TSPEAR: variants seen among roughly 807,000 people sequenced by gnomAD.
TSPEAR encodes thrombospondin-type laminin G domain and EAR repeat-containing protein.
In TSPEAR, 69 loss-of-function variants were observed where a neutral mutation model predicts 71.6. The observed-to-expected ratio is 0.96, with a 90% confidence interval of 0.79 to 1.18. The LOEUF is 1.18. Among genes scored for constraint, TSPEAR ranks in the 50% most tolerant of loss-of-function variants. The pLI, the probability that TSPEAR is intolerant of heterozygous loss-of-function variation, is 0.00. For synonymous variants in TSPEAR, 402 were observed against 387.2 expected, an observed-to-expected ratio of 1.04 and a Z score of -0.45; for missense variants, 971 against 894.9, an observed-to-expected ratio of 1.09 and a Z score of -1.09.
At position 44,506,043 on chromosome 21, in the gene TSPEAR, TGTGAGGTCAGCGGCC is replaced by T. The variant is rs1226136965; in HGVS notation, c.1755-1177_1755-1163del. Among the ~76,000 whole-genome samples, 3 of 152,224 alleles carry T rather than the reference TGTGAGGTCAGCGGCC, an allele frequency of 2.0e-5. No individual in the cohort carries two copies. The highest frequency in any genetic ancestry group is 4.4e-5 in the Non-Finnish European group (3 of 68,040). On this transcript the variant is annotated intron_variant, in intron 10 of 11. Coordinates refer to ENST00000323084, the MANE Select transcript of TSPEAR (RefSeq NM_144991.3). The surrounding 1 kb of genome is among the most constrained non-coding windows in gnomAD (Gnocchi z 4.2). ...CTTCTCTCAGCATTGTGTCTTCAGC[TGTGAGGTCAGCGGCC>T]GTGAGGTCACTCCAGGAGGTGCCTA...
intron 1 of TSPEAR, among the ~76,000 whole-genome samples, chr21:44,701,488 C>T (rs781782832): frequency 2.6e-5 from 4 of 152,182 alleles, no homozygotes; most frequent in South Asian, 2.1e-4. Flanking sequence ...TAATTTATAA[C>T]GAAATAATCA....
In TSPEAR at chr21:44,612,548, A is replaced by C; in HGVS notation, c.83-44543T>G. 2 of 1,613,566 alleles carry C rather than the reference A, an allele frequency of 1.2e-6. No individual in the cohort carries two copies. The highest frequency in any genetic ancestry group is 2.2e-5 in the South Asian group (2 of 91,040). On this transcript the variant is annotated intron_variant, in intron 1 of 11. Coordinates refer to ENST00000323084, the MANE Select transcript of TSPEAR (RefSeq NM_144991.3). The surrounding 1 kb of genome is among the most constrained non-coding windows in gnomAD (Gnocchi z 4.1). ...TTCCTCCCCATGCTGCCAGCAGTCT[A>C]GCTGCCAGTCAGCTTGCTGCACCTT... is the stretch of plus-strand genomic sequence containing the variant.
Position 44,506,647 on chromosome 21 carries a change from C to T in TSPEAR, c.1755-1766G>A, listed in dbSNP as rs1159219546. ...GGGTTATGATTTGGTTCCCATGCAG[C>T]CCGTGCCAGCTCGCTGGGAGGAGGA... On this transcript the variant is annotated intron_variant, in intron 10 of 11. Coordinates refer to ENST00000323084, the MANE Select transcript of TSPEAR (RefSeq NM_144991.3). This position sits in a 1 kb window ranked among gnomAD's most constrained non-coding sequence, Gnocchi z 4.2. Among the ~76,000 whole-genome samples, 5 of 152,226 alleles carry T rather than the reference C, an allele frequency of 3.3e-5. No individual in the cohort carries two copies. Among genetic ancestry groups the T allele is most frequent in the African/African-American group, 7.2e-5 (3 of 41,474 alleles).
At chr21:44,511,783 C>T (rs1048768078) in intron 9 of TSPEAR, among the ~76,000 whole-genome samples, 4 of 152,278 alleles carry the variant, frequency 2.6e-5, no homozygotes, top group African/African-American at 9.6e-5. Flanking sequence ...CAGCCTGAAA[C>T]TCCCTCTCAG....
rs782719602 is a variant in TSPEAR at position 44,579,903 on chromosome 21, G to A, written c.83-11898C>T. 3.7e-5 allele frequency: 59 copies of A among 1,613,158 alleles called. No homozygotes were observed. The Middle Eastern group carries it at 5.0e-4, about 14-fold the overall frequency. ...CAGCAGGCGGGCCTGCATATGGGGC[G>A]GCAGAGGAGGGACACGGAGGAGGAG... On this transcript the variant is annotated intron_variant, in intron 1 of 11. Coordinates refer to ENST00000323084, the MANE Select transcript of TSPEAR (RefSeq NM_144991.3).
Position 44,600,499 on chromosome 21 carries a change from G to T in TSPEAR, c.83-32494C>A, listed in dbSNP as rs1300098052. 8.3e-6 allele frequency: 10 copies of T among 1,199,482 alleles called. No individual in the cohort carries two copies. The African/African-American group carries it at 1.4e-4, about 16-fold the overall frequency. 74.3% of individuals were successfully genotyped at this position (1,199,482 alleles called of 1,614,324 possible). ...AGGGGCAGGAGTTGTTGACACTCCA[G>T]CTGGGACAACAGACCAGGGAGACAT... On this transcript the variant is annotated intron_variant, in intron 1 of 11. Transcript: ENST00000323084.
intron 2 of TSPEAR, among the ~76,000 whole-genome samples, chr21:44,553,485 T>G (rs1171593119): frequency 2.6e-5 from 4 of 152,068 alleles, no homozygotes; most frequent in Non-Finnish European, 4.4e-5. Flanking sequence ...AGTCCAAACA[T>G]GAGTTCTTCC....
At chr21:44,573,484 C>G (rs587616331) in intron 1 of TSPEAR, among the ~76,000 whole-genome samples, 1 of 152,238 alleles carries the variant, frequency 6.6e-6, no homozygotes. Flanking sequence ...TCAGCTCTTC[C>G]TCCTGAGTCT....
chr21:44,706,441 G>GCACA (rs1987927404), intron 1 of TSPEAR, among the ~76,000 whole-genome samples: 1 of 149,414 alleles, frequency 6.7e-6, no homozygotes, highest in Non-Finnish European at 1.5e-5. Flanking sequence ...ACCCACGTGC[G>GCACA]CACCCACATG....
chr21:44,574,611 T>G (rs396912), intron 1 of TSPEAR: 1,523,662 of 1,610,500 alleles, frequency 0.95, 725,749 homozygotes, highest in Non-Finnish European at 0.97. Flanking sequence ...CAAGCCTGTC[T>G]GCTCTGTGCC....
chr21:44,697,381 C>T (rs782285134), intron 1 of TSPEAR: 2 of 1,613,388 alleles, frequency 1.2e-6, no homozygotes, highest in Non-Finnish European at 1.7e-6. Context: ...GTGTATCCAG[C>T]CCCTGCTGCC....
chr21:44,536,095 C>A (rs1250987167), intron 2 of TSPEAR, among the ~76,000 whole-genome samples: 1 of 152,170 alleles, frequency 6.6e-6, no homozygotes, highest in Non-Finnish European at 1.5e-5. Context: ...TGGCAGAGTC[C>A]AGCCCTGTCA....
intron 2 of TSPEAR, among the ~76,000 whole-genome samples, chr21:44,559,733 T>C (rs781321525): frequency 3.3e-5 from 5 of 152,218 alleles, no homozygotes; most frequent in Admixed American, 6.5e-5. Flanking sequence ...GGACCATACC[T>C]GTGCGCTAGT....
intron 10 of TSPEAR, 119 bp from the exon 11 acceptor site, chr21:44,505,000 A>G: frequency 1.4e-6 from 1 of 704,844 alleles, no homozygotes; most frequent in Non-Finnish European, 2.5e-6. Context: ...GTGGGGAGTG[A>G]TTTTCTCACA....
chr21:44,614,187 T>G (rs1009108015), intron 1 of TSPEAR, among the ~76,000 whole-genome samples: 11 of 152,272 alleles, frequency 7.2e-5, no homozygotes, highest in African/African-American at 2.6e-4. Flanking sequence ...CTTTGACCAT[T>G]CACGATCTGT....
chr21:44,523,388 C>T (rs1435025652), intron 8 of TSPEAR, among the ~76,000 whole-genome samples: 1 of 150,572 alleles, frequency 6.6e-6, no homozygotes, highest in African/African-American at 2.5e-5. Context: ...GTCAGTTGGT[C>T]AGTCAGTTAG....
chr21:44,703,545 G>C (rs915831125), intron 1 of TSPEAR, among the ~76,000 whole-genome samples: 1 of 152,202 alleles, frequency 6.6e-6, no homozygotes, highest in Non-Finnish European at 1.5e-5. Flanking sequence ...TGGTCAACCA[G>C]CTCCTAGGTG....
chr21:44,582,308 G>A (rs1278816338), intron 1 of TSPEAR, among the ~76,000 whole-genome samples: 2 of 152,120 alleles, frequency 1.3e-5, no homozygotes, highest in Non-Finnish European at 1.5e-5. Flanking sequence ...TGACAACCGC[G>A]AGCTCTCACT....
intron 1 of TSPEAR, among the ~76,000 whole-genome samples, chr21:44,604,178 G>A (rs1367810188): frequency 1.3e-5 from 2 of 152,240 alleles, no homozygotes; most frequent in Admixed American, 1.3e-4. Flanking sequence ...GGGTCCACAA[G>A]GTAGGGGCGC....
Sources: allele counts gnomAD v4.1 joint callset (sites outside exome capture counted in the v4.1 genomes callset), GRCh38; gene constraint gnomAD v4.1.1; non-coding constraint Gnocchi (gnomAD v3.1); transcripts MANE v1.5; gene names NCBI Gene and HGNC (gene_info 2026-07-23, HGNC 2026-07-21).